The following RGS7 variants were observed in gnomAD, a reference collection of about 807,000 sequenced individuals.
RGS7 encodes the protein regulator of G-protein signaling 7.
In RGS7, 27 loss-of-function variants were observed where a neutral mutation model predicts 81.1. That is an observed-to-expected ratio of 0.33 (90% confidence interval 0.25 to 0.46). The LOEUF is 0.46. Among genes scored for constraint, RGS7 ranks in the 20% least tolerant of loss-of-function variants. The pLI is 1.00. For synonymous variants in RGS7, 208 were observed against 207.7 expected, an observed-to-expected ratio of 1.00 and a Z score of -0.01; for missense variants, 396 against 607.4, an observed-to-expected ratio of 0.65 and a Z score of 3.66.
intron 6 of RGS7, among the ~76,000 whole-genome samples, chr1:240,923,756 T>G (rs2148314579): frequency 6.6e-6 from 1 of 151,688 alleles, no homozygotes; most frequent in East Asian, 1.9e-4. Context: ...GGAATGGATA[T>G]ATTTGAAAGC....
intron 2 of RGS7, among the ~76,000 whole-genome samples, chr1:241,182,656 T>A (rs2071725946): frequency 6.7e-6 from 1 of 149,886 alleles, no homozygotes; most frequent in Admixed American, 6.6e-5. Flanking sequence ...CGCTTTTTTT[T>A]TTTTTTTTTT....
At chr1:241,288,906 G>C (rs2078955685) in intron 2 of RGS7, among the ~76,000 whole-genome samples, 1 of 150,302 alleles carries the variant, frequency 6.7e-6, no homozygotes, top group Non-Finnish European at 1.5e-5. Context: ...AGCCTTCCTG[G>C]AACATGATTA....
At chr1:241,113,777 C>A (rs1266199158) in intron 2 of RGS7, among the ~76,000 whole-genome samples, 1 of 152,268 alleles carries the variant, frequency 6.6e-6, no homozygotes, top group Admixed American at 6.5e-5. Flanking sequence ...AAAACATGTA[C>A]TTTACAGCAT....
At chr1:241,058,282 C>A (rs1313331727) in intron 3 of RGS7, among the ~76,000 whole-genome samples, 2 of 152,190 alleles carry the variant, frequency 1.3e-5, no homozygotes, top group African/African-American at 4.8e-5. Flanking sequence ...AGTAAACACA[C>A]TGCCCATGCT....
At position 241,207,181 on chromosome 1, in the gene RGS7, T is replaced by A. The variant is rs377035582; in HGVS notation, c.79-108419A>T. Among the ~76,000 whole-genome samples the A allele has an allele frequency of 7.2e-4, 109 of 150,996 alleles. 2 individuals carry two copies. The highest frequency in any genetic ancestry group is 3.1e-3 in the East Asian group (16 of 5,100). ...ACGGGGTTTCACCGTGTTAGCCAGG[T>A]TGGTCTCAATCTCCCGACCTCGTGA... On this transcript the variant is annotated intron_variant, in intron 2 of 18. Coordinates refer to ENST00000440928, the MANE Select transcript of RGS7 (RefSeq NM_001364886.1).
intron 4 of RGS7, among the ~76,000 whole-genome samples, chr1:240,940,264 G>C (rs1000356388): frequency 5.3e-5 from 8 of 152,088 alleles, no homozygotes; most frequent in African/African-American, 1.7e-4. Flanking sequence ...AAGTATAGAA[G>C]TGTCTTGCTT....
chr1:241,347,223 C>T (rs2082953056), intron 2 of RGS7, among the ~76,000 whole-genome samples: 1 of 152,044 alleles, frequency 6.6e-6, no homozygotes, highest in South Asian at 2.1e-4. Context: ...GCCTTGGGGA[C>T]ACACAGCAAG....
chr1:240,810,875 T>C (rs924529431), intron 14 of RGS7, among the ~76,000 whole-genome samples: 3 of 152,172 alleles, frequency 2.0e-5, no homozygotes, highest in Admixed American at 6.5e-5. Flanking sequence ...GCATGAAGGG[T>C]TCCCATAAAC....
intron 6 of RGS7, among the ~76,000 whole-genome samples, chr1:240,908,194 G>C (rs921296869): frequency 2.5e-5 from 3 of 121,088 alleles, no homozygotes; most frequent in Non-Finnish European, 5.0e-5. Context: ...ACCGGGGCCT[G>C]TCGTGGGGTG....
intron 2 of RGS7, among the ~76,000 whole-genome samples, chr1:241,192,873 A>T (rs1361039046): frequency 1.3e-5 from 2 of 152,190 alleles, no homozygotes; most frequent in Non-Finnish European, 2.9e-5. Context: ...GAGATATTTT[A>T]AAAATCACAC....
Position 241,338,523 on chromosome 1 carries a change from G to A in RGS7, c.78+17176C>T, listed in dbSNP as rs186800178. ...ATAAGCTCAAATATTTTAAAAAAATGTTTCTTCTTACCCCTAGCATACTGA... is the reference window on the plus strand; with the variant it reads ...ATAAGCTCAAATATTTTAAAAAAATATTTCTTCTTACCCCTAGCATACTGA... On this transcript the variant is annotated intron_variant, in intron 2 of 18. Coordinates refer to ENST00000440928, the MANE Select transcript of RGS7 (RefSeq NM_001364886.1). Among the ~76,000 whole-genome samples, 200 of 152,124 alleles carry A rather than the reference G, an allele frequency of 1.3e-3. 1 individual carries two copies. The highest frequency in any genetic ancestry group is 4.6e-3 in the African/African-American group (189 of 41,504).
In RGS7 at chr1:241,172,242, A is replaced by G. The variant is rs996210793; in HGVS notation, c.79-73480T>C. 2.5e-4 allele frequency among the ~76,000 whole-genome samples: 38 copies of G among 152,190 alleles called. 1 individual carries two copies. The highest frequency in any genetic ancestry group is 9.2e-4 in the African/African-American group (38 of 41,436). ...GTTATTCTTTTTTTAAAAAAGGCAC[A>G]GCACACGTGGCAATCTAAAATCCAG... On this transcript the variant is annotated intron_variant, in intron 2 of 18. Coordinates refer to ENST00000440928, the MANE Select transcript of RGS7 (RefSeq NM_001364886.1).
At position 240,806,187 on chromosome 1, in the gene RGS7, T is replaced by G; in HGVS notation, c.1222A>C (p.Thr408Pro). 6.2e-7 allele frequency: 1 copy of G among 1,614,076 alleles called. No individual in the cohort carries two copies. The highest frequency in any genetic ancestry group is 8.5e-7 in the Non-Finnish European group (1 of 1,179,952). The change falls in exon 15 of 19, where the codon ACA (threonine) becomes CCA (proline). Residue 408 changes from threonine (T) to proline (P), a missense_variant. Physicochemically the swap from Thr to Pro is conservative, Grantham distance 38. Coordinates refer to ENST00000440928, the MANE Select transcript of RGS7 (RefSeq NM_001364886.1). Reference sequence around the variant, plus strand: ...CGTCCAGGTTCCTTCACGTTCTGTGTGGTTTTGTCATAACTCTTGGAATCC... The same window carrying G: ...CGTCCAGGTTCCTTCACGTTCTGTGGGGTTTTGTCATAACTCTTGGAATCC... ...NLDSKSYDKT[T>P]QNVKEPGRYT...
At chr1:241,248,353 C>CATACATATAT (rs1553299194) in intron 2 of RGS7, among the ~76,000 whole-genome samples, 1 of 145,776 alleles carries the variant, frequency 6.9e-6, no homozygotes, top group Non-Finnish European at 1.5e-5. Flanking sequence ...GATATATATA[C>CATACATATAT]ATATATATAT....
At chr1:241,352,053 G>C (rs1256845142) in intron 2 of RGS7, among the ~76,000 whole-genome samples, 2 of 152,146 alleles carry the variant, frequency 1.3e-5, no homozygotes, top group Non-Finnish European at 2.9e-5. Flanking sequence ...CAGCATGCTG[G>C]CCAGACACCA....
chr1:241,117,802 C>A (rs570459915), intron 2 of RGS7, among the ~76,000 whole-genome samples: 1 of 152,094 alleles, frequency 6.6e-6, no homozygotes, highest in East Asian at 1.9e-4. Flanking sequence ...GAGAAGCCAA[C>A]AGAGACATAA....
Position 241,355,765 on chromosome 1 carries a change from C to G in RGS7, c.12G>C (p.Gly4=), listed in dbSNP as rs377258567. Residue 4 remains glycine (G), a synonymous_variant, in exon 2 of 19, where the codon GGG becomes GGC. Transcript: ENST00000440928. The stretch of plus-strand genomic sequence containing the variant: ...CGTTGCTGGTCTGCCCATAATTATT[C>G]CCCTGGGCCATGTCACCCAAAACTT... MAQ[G]NNYGQTSNGV... is the part of the protein sequence containing the mutation. 6.2e-6 allele frequency: 10 copies of G among 1,613,868 alleles called. No individual in the cohort carries two copies. In the African/African-American group the frequency reaches 9.3e-5, roughly 15 times the overall value.
intron 4 of RGS7, among the ~76,000 whole-genome samples, chr1:240,968,261 C>G (rs528332779): frequency 4.6e-5 from 7 of 152,324 alleles, no homozygotes; most frequent in African/African-American, 1.7e-4. Context: ...GAAAACCAGA[C>G]ACTCCCTCTT....
intron 4 of RGS7, among the ~76,000 whole-genome samples, chr1:240,951,082 G>A (rs535825777): frequency 4.0e-5 from 6 of 151,698 alleles, no homozygotes; most frequent in East Asian, 3.9e-4. Context: ...CAACCACACC[G>A]GGCTAATTTT....
Sources: allele counts gnomAD v4.1 joint callset (sites outside exome capture counted in the v4.1 genomes callset), GRCh38; gene constraint gnomAD v4.1.1; transcripts MANE v1.5; gene names NCBI Gene and HGNC (gene_info 2026-07-23, HGNC 2026-07-21).